Variants in NCKAP5 observed in about 807,000 individuals in gnomAD.
NCKAP5 encodes the protein NCK associated protein 5, also known as nck-associated protein 5.
NCKAP5 carries 92 observed loss-of-function variants against 167.0 expected under a neutral mutation model. The observed-to-expected ratio is 0.55, with a 90% CI of 0.47 to 0.66. The LOEUF (loss-of-function observed/expected upper bound fraction) is 0.66, where lower values mean the gene tolerates loss of function less well. Ranked by LOEUF, NCKAP5 falls within the 30% of genes least tolerant of loss-of-function variation. NCKAP5 has a pLI of 0.00. For synonymous variants in NCKAP5, 891 were observed against 877.4 expected (o/e 1.02, Z -0.27); for missense variants, 2,378 against 2,315.0 (o/e 1.03, Z -0.56).
intron 2 of NCKAP5, among the ~76,000 whole-genome samples, chr2:133,546,541 G>A (rs937121207): frequency 2.6e-5 from 4 of 152,226 alleles, no homozygotes; most frequent in Admixed American, 6.5e-5. Context: ...ATAAGGGCAC[G>A]GTTATCCTGA....
At chr2:133,362,149 C>T (rs775598691) in intron 3 of NCKAP5, among the ~76,000 whole-genome samples, 8 of 152,112 alleles carry the variant, frequency 5.3e-5, no homozygotes, top group Non-Finnish European at 1.0e-4. Context: ...TGCTTGAAGC[C>T]GATGATGTAA....
At chr2:132,773,172 G>A (rs1682238129) in intron 16 of NCKAP5, among the ~76,000 whole-genome samples, 1 of 152,158 alleles carries the variant, frequency 6.6e-6, no homozygotes, top group South Asian at 2.1e-4. Context: ...GGAGCTAAAG[G>A]TGCCACTTCT....
At chr2:133,150,564 C>T (rs867184144) in intron 5 of NCKAP5, among the ~76,000 whole-genome samples, 20 of 152,054 alleles carry the variant, frequency 1.3e-4, no homozygotes, top group African/African-American at 4.1e-4. Flanking sequence ...TACATTTTTA[C>T]CTCCTAGTTC....
rs141004326 is a variant in NCKAP5, at chr2:133,423,534, A to T, written c.69+93924T>A. Among the ~76,000 whole-genome samples the T allele has an allele frequency of 4.3e-3, 655 of 152,280 alleles. 4 individuals carry two copies. Among genetic ancestry groups the T allele is most frequent in the Middle Eastern group, 0.017 (5 of 294 alleles). ...GCATTAGGAATATTATATGTTATTAATTGGGGAATTGTTACTACTAATTGC... is the reference window on the plus strand; with the variant it reads ...GCATTAGGAATATTATATGTTATTATTTGGGGAATTGTTACTACTAATTGC... On this transcript the variant is annotated intron_variant, in intron 3 of 19. Coordinates refer to ENST00000409261, the MANE Select transcript of NCKAP5 (RefSeq NM_207363.3).
At chr2:133,448,868 G>A (rs1323379890) in intron 3 of NCKAP5, among the ~76,000 whole-genome samples, 2 of 152,054 alleles carry the variant, frequency 1.3e-5, no homozygotes, top group East Asian at 3.9e-4. Flanking sequence ...TCAAACTCCT[G>A]GGCTCCAGCG....
In NCKAP5 at chr2:133,178,504, CAAAAAAAAAAAAAAAAAAAAAAA is replaced by C. The variant is rs869253241; in HGVS notation, c.207+35189_207+35211del. Among the ~76,000 whole-genome samples, 9 of 23,952 alleles carry C rather than the reference CAAAAAAAAAAAAAAAAAAAAAAA, an allele frequency of 3.8e-4. No homozygotes were observed. The Admixed American group carries it at 5.4e-3, about 14-fold the overall frequency. 15.7% of individuals were successfully genotyped at this position (23,952 alleles called of 152,430 possible). ...TGGGTGACACAATGAGACCCTGTCTCAAAAAAAAAAAAAAAAAAAAAAAAAAAAAAAAAAAAAAAGGCCAGGCG... is the reference window on the plus strand; with the variant it reads ...TGGGTGACACAATGAGACCCTGTCTCAAAAAAAAAAAAAAAAGGCCAGGCG... On this transcript the variant is annotated intron_variant, in intron 5 of 19. Transcript: ENST00000409261.
intron 3 of NCKAP5, among the ~76,000 whole-genome samples, chr2:133,441,695 A>G (rs192038810): frequency 2.6e-5 from 4 of 152,354 alleles, no homozygotes; most frequent in Non-Finnish European, 5.9e-5. Flanking sequence ...AAATTCTTTG[A>G]AATAGACCTC....
the NCKAP5 span, among the ~76,000 whole-genome samples, chr2:133,588,076 A>G: frequency 7.2e-5 from 11 of 152,240 alleles, no homozygotes; most frequent in Admixed American, 7.2e-4. Flanking sequence ...ATGCCATGTC[A>G]TAAGTGTGTG....
intron 12 of NCKAP5, among the ~76,000 whole-genome samples, chr2:132,795,225 G>T (rs1010563884): frequency 2.6e-5 from 4 of 152,146 alleles, no homozygotes; most frequent in Non-Finnish European, 4.4e-5. Flanking sequence ...TGCCAAGTCA[G>T]CCCTGTGACA....
At chr2:133,281,791 G>C (rs6430407) in intron 4 of NCKAP5, among the ~76,000 whole-genome samples, 52,304 of 151,988 alleles carry the variant, frequency 0.34, 9,194 homozygotes, top group African/African-American at 0.37. Flanking sequence ...CTTCATGCTA[G>C]CTTTTGGTGG....
intron 8 of NCKAP5, among the ~76,000 whole-genome samples, chr2:132,920,695 AT>A (rs1368946859): frequency 1.7e-5 from 2 of 120,752 alleles, no homozygotes; most frequent in East Asian, 2.3e-4. Context: ...GTTTATATAT[AT>A]ATATACGTAT....
intron 3 of NCKAP5, among the ~76,000 whole-genome samples, chr2:133,403,847 A>C (rs1307391087): frequency 6.6e-6 from 1 of 152,136 alleles, no homozygotes; most frequent in East Asian, 1.9e-4. Context: ...TGATGTGTTT[A>C]ATCAGTGGGG....
rs1684956533 is a variant in NCKAP5 at position 133,526,723 on chromosome 2, CCT to C, written c.-61-9138_-61-9137del. The stretch of plus-strand genomic sequence containing the variant: ...CTGCACCACCACTCTTTCTTTCTTT[CCT>C]CTGACTCTTCTCCATTTATTGCCTT... On this transcript the variant is annotated intron_variant, in intron 2 of 19. Coordinates refer to ENST00000409261, the MANE Select transcript of NCKAP5 (RefSeq NM_207363.3). Among the ~76,000 whole-genome samples the C allele has an allele frequency of 3.3e-5, 5 of 152,258 alleles. No homozygotes were observed. In the South Asian group the frequency reaches 1.0e-3, roughly 32 times the overall value.
At chr2:133,026,576 G>C (rs1462914530) in intron 6 of NCKAP5, among the ~76,000 whole-genome samples, 7 of 152,152 alleles carry the variant, frequency 4.6e-5, no homozygotes, top group African/African-American at 1.7e-4. Flanking sequence ...GACTTATTGG[G>C]AGGAAAAGAT....
rs113999349 is a variant in NCKAP5, at chr2:133,222,189, G to C, written c.144-8410C>G. 3.8e-3 allele frequency among the ~76,000 whole-genome samples: 572 copies of C among 152,058 alleles called. 4 individuals carry two copies. Among genetic ancestry groups the C allele is most frequent in the African/African-American group, 0.013 (535 of 41,472 alleles). On this transcript the variant is annotated intron_variant, in intron 4 of 19. Coordinates refer to ENST00000409261, the MANE Select transcript of NCKAP5 (RefSeq NM_207363.3). ...AAAAAATTACTGAGAATCCCAAAGAGCTTTTGTTTTTGTCAGTTATGTCTA... is the reference window on the plus strand; with the variant it reads ...AAAAAATTACTGAGAATCCCAAAGACCTTTTGTTTTTGTCAGTTATGTCTA...
intron 4 of NCKAP5, among the ~76,000 whole-genome samples, chr2:133,257,714 T>G (rs898388439): frequency 6.6e-6 from 1 of 152,174 alleles, no homozygotes; most frequent in African/African-American, 2.4e-5. Context: ...ATGAAGATTG[T>G]GAACAAACCT....
intron 7 of NCKAP5, among the ~76,000 whole-genome samples, chr2:132,974,441 A>G (rs976421821): frequency 6.6e-6 from 1 of 152,248 alleles, no homozygotes; most frequent in African/African-American, 2.4e-5. Context: ...AAGTGAGTTC[A>G]GACATACAAT....
chr2:133,349,770 A>C (rs1264902603), intron 3 of NCKAP5, among the ~76,000 whole-genome samples: 1 of 152,168 alleles, frequency 6.6e-6, no homozygotes, highest in African/African-American at 2.4e-5. Flanking sequence ...CTCTTCAAAC[A>C]GTTCACTTCC....
At chr2:133,635,987 C>A in the NCKAP5 span, among the ~76,000 whole-genome samples, 1 of 152,100 alleles carries the variant, frequency 6.6e-6, no homozygotes, top group Non-Finnish European at 1.5e-5. Flanking sequence ...AATTAGATAA[C>A]TGATATTAAT....
Sources: gnomAD v4.1 joint callset for allele counts (sites outside exome capture counted in the v4.1 genomes callset) on GRCh38, gnomAD v4.1.1 for gene constraint, MANE v1.5 for transcripts, NCBI Gene and HGNC (gene_info 2026-07-23, HGNC 2026-07-21) for gene names.